The following ZNF827 variants were observed in gnomAD, a reference collection of about 807,000 sequenced individuals.
ZNF827 encodes the protein zinc finger protein 827.
A neutral mutation model predicts 102.4 loss-of-function variants in ZNF827; 13 were observed. The observed-to-expected ratio is 0.13, with a 90% CI of 0.08 to 0.20. The LOEUF (loss-of-function observed/expected upper bound fraction) is 0.20, where lower values mean the gene tolerates loss of function less well. Among genes scored for constraint, ZNF827 ranks in the 10% least tolerant of loss-of-function variants. The probability of loss-of-function intolerance (pLI) is 1.00; values close to 1 mark genes in which losing one functional copy is unlikely to be tolerated. For missense variants in ZNF827, 1,103 were observed against 1,344.4 expected (o/e 0.82, Z 2.81); for synonymous variants, 523 against 536.2 (o/e 0.98, Z 0.34).
At chr4:145,835,586 C>G (rs1192437146) in intron 7 of ZNF827, among the ~76,000 whole-genome samples, 1 of 149,928 alleles carries the variant, frequency 6.7e-6, no homozygotes, top group Non-Finnish European at 1.5e-5. Context: ...GCCCTTCTTC[C>G]CAATCCAAAG....
chr4:145,794,124 A>G (rs1740135606), intron 8 of ZNF827, among the ~76,000 whole-genome samples: 1 of 152,190 alleles, frequency 6.6e-6, no homozygotes, highest in Non-Finnish European at 1.5e-5. Flanking sequence ...CACCATGAGA[A>G]TCTTATTTTC....
chr4:145,871,236 T>C (rs766853101), intron 4 of ZNF827, among the ~76,000 whole-genome samples: 3 of 152,234 alleles, frequency 2.0e-5, no homozygotes, highest in Admixed American at 6.5e-5. Context: ...TACATAACCA[T>C]GGTACATTTG....
intron 1 of ZNF827, among the ~76,000 whole-genome samples, chr4:145,914,775 G>C (rs1284500557): frequency 5.9e-5 from 9 of 152,178 alleles, no homozygotes; most frequent in Non-Finnish European, 1.3e-4. Flanking sequence ...GAATCCTGAA[G>C]GTGTACCTTC....
intron 1 of ZNF827, among the ~76,000 whole-genome samples, chr4:145,930,365 C>G (rs1753713237): frequency 6.6e-6 from 1 of 152,222 alleles, no homozygotes; most frequent in Non-Finnish European, 1.5e-5. Context: ...ATCCACATCT[C>G]TCTCTCACCC....
chr4:145,808,070 T>G (rs1741658069), intron 8 of ZNF827, among the ~76,000 whole-genome samples: 1 of 151,470 alleles, frequency 6.6e-6, no homozygotes. Context: ...TTTTTTTTCC[T>G]GAGTAAACTT....
At chr4:145,817,764 A>G (rs1303152818) in intron 8 of ZNF827, among the ~76,000 whole-genome samples, 2 of 152,230 alleles carry the variant, frequency 1.3e-5, no homozygotes, top group Non-Finnish European at 2.9e-5. Context: ...ATCTCTTTCT[A>G]TAGGAAACTG....
In ZNF827 at chr4:145,938,466, G is replaced by A; in HGVS notation, c.-59C>T. 1 of 1,512,566 alleles carries A rather than the reference G, an allele frequency of 6.6e-7. No individual in the cohort carries two copies. Among genetic ancestry groups the A allele is most frequent in the East Asian group, 2.5e-5 (1 of 40,020 alleles). The allele number at this position is 1,512,566 out of a possible 1,614,324, so 93.7% of individuals were successfully genotyped here. A position where few individuals can be genotyped will look rare whatever the true frequency, so the allele number is the denominator to read the frequency against. On this transcript the variant is annotated 5_prime_UTR_variant, in exon 1 of 15. Coordinates refer to ENST00000508784, the MANE Select transcript of ZNF827 (RefSeq NM_001306215.2). ...AATGTGAGATCAAATAAACCCCCGT[G>A]GGGGCAGAGAGGCAGACACTGGCAG...
At chr4:145,903,922 G>A (rs1219827706) in intron 1 of ZNF827, among the ~76,000 whole-genome samples, 6 of 152,114 alleles carry the variant, frequency 3.9e-5, no homozygotes, top group Non-Finnish European at 8.8e-5. Context: ...TACCTCCCAT[G>A]TTATGCATGC....
At chr4:145,775,707 G>A in intron 10 of ZNF827, 82 bp downstream of exon 10, 2 of 1,537,136 alleles carry the variant, frequency 1.3e-6, no homozygotes, top group Non-Finnish European at 1.8e-6. Flanking sequence ...GCCTCGTGAT[G>A]TATGCCCACA....
Position 145,859,395 on chromosome 4 carries a change from C to T in ZNF827, c.1982-9834G>A, listed in dbSNP as rs1011683048. Among the ~76,000 whole-genome samples, 24 of 152,058 alleles carry T rather than the reference C, an allele frequency of 1.6e-4. 1 individual carries two copies. Among genetic ancestry groups the T allele is most frequent in the Admixed American group, 1.3e-3 (20 of 15,252 alleles). ...GGAGTAATATAGGGTTCATTTAAAC[C>T]CCCAAGAAATCTTCGCAACAGCCAA... On this transcript the variant is annotated intron_variant, in intron 5 of 14. Transcript: ENST00000508784.
In ZNF827 at chr4:145,885,873, A is replaced by G. The variant is rs369098617; in HGVS notation, c.1552T>C (p.Ser518Pro). 2.7e-5 allele frequency: 43 copies of G among 1,614,112 alleles called. No homozygotes were observed. The highest frequency in any genetic ancestry group is 4.0e-5 in the African/African-American group (3 of 74,944). Reference sequence around the variant, plus strand: ...GGTTCCTCCTTCACCAGCAAAGGCGAGACGCCAGCCCCTCCCTGGCTAGTC... The same window carrying G: ...GGTTCCTCCTTCACCAGCAAAGGCGGGACGCCAGCCCCTCCCTGGCTAGTC... Reference protein sequence around the residue: ...ERTSQGGAGVSPLLVKEEPKE... With the variant: ...ERTSQGGAGVPPLLVKEEPKE... Residue 518 changes from serine (S) to proline (P), a missense_variant, in exon 4 of 15, where the codon TCG becomes CCG. By Grantham distance (74) the Ser-to-Pro change is moderately conservative. Transcript: ENST00000508784.
At chr4:145,804,021 A>G (rs543395832) in intron 8 of ZNF827, among the ~76,000 whole-genome samples, 5 of 152,248 alleles carry the variant, frequency 3.3e-5, no homozygotes, top group Non-Finnish European at 7.3e-5. Context: ...CAGTCAACCA[A>G]GAATTTTTTA....
At chr4:145,867,204 G>C (rs1748290857) in intron 5 of ZNF827, among the ~76,000 whole-genome samples, 1 of 152,186 alleles carries the variant, frequency 6.6e-6, no homozygotes. Context: ...TGGCCCAGCT[G>C]TCAGGCATTC....
At chr4:145,816,686 T>C (rs1397180545) in intron 8 of ZNF827, among the ~76,000 whole-genome samples, 3 of 152,314 alleles carry the variant, frequency 2.0e-5, no homozygotes, top group East Asian at 3.9e-4. Context: ...TCAAGTAACA[T>C]TGTCTGGATC....
rs917371387 is a variant in ZNF827 at position 145,758,960 on chromosome 4, G to C, written c.*2656C>G. On this transcript the variant is annotated 3_prime_UTR_variant, in exon 15 of 15. Coordinates refer to ENST00000508784, the MANE Select transcript of ZNF827 (RefSeq NM_001306215.2). The stretch of plus-strand genomic sequence containing the variant: ...CAGTCTTCTGGCTTCCTGTAGAACT[G>C]TACTAATTTCCAGGGAGCTTTCAGC... 2.0e-5 allele frequency: 3 copies of C among 152,212 alleles called. No homozygotes were observed. The highest frequency in any genetic ancestry group is 6.5e-5 in the Admixed American group (1 of 15,274). 9.4% of individuals were successfully genotyped at this position (152,212 alleles called of 1,614,324 possible). A position where few individuals can be genotyped will look rare whatever the true frequency, so the allele number is the denominator to read the frequency against.
intron 1 of ZNF827, among the ~76,000 whole-genome samples, chr4:145,922,735 A>T (rs1561083176): frequency 1.3e-5 from 2 of 152,274 alleles, no homozygotes; most frequent in Non-Finnish European, 2.9e-5. Context: ...TTCCTTGAAC[A>T]TCACTTTTAA....
rs77372003 is a variant in ZNF827, at chr4:145,765,857, T to C, written c.2861-119A>G. The C allele has an allele frequency of 0.022, 22,361 of 1,014,864 alleles. 317 individuals carry two copies. The highest frequency in any genetic ancestry group is 0.025 in the Non-Finnish European group (18,007 of 711,086). The allele number at this position is 1,014,864 out of a possible 1,614,324, so 62.9% of individuals were successfully genotyped here. Reference sequence around the variant, plus strand: ...TCATCATTCTGGGGGCACAGGCTCATGTCCCCAGCTCCCCCACTGCTGGGG... The same window carrying C: ...TCATCATTCTGGGGGCACAGGCTCACGTCCCCAGCTCCCCCACTGCTGGGG... On this transcript the variant is annotated intron_variant, in intron 11 of 14. Transcript: ENST00000508784. This position sits in a 1 kb window ranked among gnomAD's most constrained non-coding sequence, Gnocchi z 4.7.
intron 4 of ZNF827, chr4:145,876,474 T>C (rs879669420): frequency 5.3e-5 from 8 of 152,192 alleles, no homozygotes; most frequent in Non-Finnish European, 8.8e-5. Flanking sequence ...CCATAGCTAA[T>C]AGACAGACAA....
chr4:145,905,418 G>A (rs1751768936), intron 1 of ZNF827, among the ~76,000 whole-genome samples: 2 of 152,180 alleles, frequency 1.3e-5, no homozygotes, highest in Non-Finnish European at 1.5e-5. Context: ...TCCTTCCTGA[G>A]ATTCTTTATT....
Sources: gnomAD v4.1 joint callset for allele counts (sites outside exome capture counted in the v4.1 genomes callset) on GRCh38, gnomAD v4.1.1 for gene constraint, Gnocchi (gnomAD v3.1) non-coding constraint, MANE v1.5 for transcripts, NCBI Gene and HGNC (gene_info 2026-07-23, HGNC 2026-07-21) for gene names.